The following AQP7 variants were observed in gnomAD, a reference collection of about 807,000 sequenced individuals.
AQP7 encodes the protein aquaporin-7.
Under a neutral mutation model 26.1 loss-of-function variants are expected in AQP7, and 22 were observed. The ratio of observed to expected loss-of-function variants is 0.84; its 90% CI spans 0.60 to 1.20. The LOEUF (loss-of-function observed/expected upper bound fraction) is 1.20. Ranked by LOEUF, AQP7 falls within the 50% of genes most tolerant of loss-of-function variation. The probability of loss-of-function intolerance (pLI) is 0.00; values close to 1 mark genes in which losing one functional copy is unlikely to be tolerated. For synonymous variants in AQP7, 167 were observed against 181.7 expected (o/e 0.92, Z 0.65); for missense variants, 412 against 457.5 (o/e 0.90, Z 0.91).
Position 33,386,419 on chromosome 9 carries a change from A to T in AQP7, c.391T>A (p.Tyr131Asn). 3 of 1,610,834 alleles carry T rather than the reference A, an allele frequency of 1.9e-6. No homozygotes were observed. The highest frequency in any genetic ancestry group is 2.5e-6 in the Non-Finnish European group (3 of 1,178,914). The change falls in exon 5 of 8, where the codon TAC becomes AAC. Residue 131 changes from tyrosine (Y) to asparagine (N), a missense_variant. Coordinates refer to ENST00000297988, the MANE Select transcript of AQP7 (RefSeq NM_001170.3). ...LGSFLAAATI[Y>N]SLFYTAILHF... ...GGATACTCACTGTAGAAGAGACTGT[A>T]GATGGTGGCAGCCGCCAGGAAGGAG... is the stretch of plus-strand genomic sequence containing the variant.
chr9:33,386,171 C>T lies in AQP7; in HGVS notation c.431G>A (p.Gly144Glu). The T allele has an allele frequency of 1.9e-6, 3 of 1,613,986 alleles. No homozygotes were observed. In the East Asian group the frequency reaches 6.7e-5, roughly 36 times the overall value. The part of the protein sequence containing the change: ...FYTAILHFSG[G>E]QLMVTGPVAT... ...GACGGGACCGGTCACCATCAGCTGT[C>T]CACCCGAAAAGTGGAGAATGGCCGC... Residue 144 changes from glycine to glutamate, a missense_variant, in exon 6 of 8, where the codon GGA (glycine) becomes GAA (glutamate). By Grantham distance (98) the Gly-to-Glu change is moderately conservative. Transcript: ENST00000297988.
chr9:33,397,892 C>T lies in AQP7; in HGVS notation c.27-2697G>A, dbSNP rs1296029138. ...CAAGACACAGTAAGCAACAGATAAC[C>T]ACCAACCAGCCAATGAACTCAAGAT... On this transcript the variant is annotated intron_variant, in intron 2 of 7. Transcript: ENST00000297988. Among the ~76,000 whole-genome samples, 3 of 152,320 alleles carry T rather than the reference C, an allele frequency of 2.0e-5. 1 individual carries two copies. The Middle Eastern group carries it at 0.01, about 522-fold the overall frequency.
At position 33,384,815 on chromosome 9, in the gene AQP7, C is replaced by A. The variant is rs560881412; in HGVS notation, c.*190G>T. Reference sequence around the variant, plus strand: ...TCTTCCCCATTCTCCCCCTGGGGCACCCCAGTTCCCAGGGCATGAAAGACT... The same window carrying A: ...TCTTCCCCATTCTCCCCCTGGGGCAACCCAGTTCCCAGGGCATGAAAGACT... On this transcript the variant is annotated 3_prime_UTR_variant, in exon 8 of 8. Transcript: ENST00000297988. 4.6e-6 allele frequency: 3 copies of A among 656,084 alleles called. No homozygotes were observed. The highest frequency in any genetic ancestry group is 3.6e-5 in the African/African-American group (2 of 55,390). The allele number at this position is 656,084 out of a possible 1,614,324, so 40.6% of individuals were successfully genotyped here.
At position 33,383,442 on chromosome 9, in the gene AQP7, C is replaced by T. The variant is rs979862008; in HGVS notation, c.*1563G>A. ...TACTCTCAGTGGGGACATCTCCAATCCCCAGGCCCAAGCTGGAAACCGGAA... is the reference window on the plus strand; with the variant it reads ...TACTCTCAGTGGGGACATCTCCAATTCCCAGGCCCAAGCTGGAAACCGGAA... On this transcript the variant is annotated 3_prime_UTR_variant, in exon 8 of 8. Coordinates refer to ENST00000297988, the MANE Select transcript of AQP7 (RefSeq NM_001170.3). 22 of 152,250 alleles carry T rather than the reference C, an allele frequency of 1.4e-4. No individual in the cohort carries two copies. The highest frequency in any genetic ancestry group is 4.6e-4 in the Admixed American group (7 of 15,282). The allele number at this position is 152,250 out of a possible 1,614,324, so 9.4% of individuals were successfully genotyped here.
chr9:33,399,751 G>T (rs902319780), intron 2 of AQP7, among the ~76,000 whole-genome samples: 6 of 152,162 alleles, frequency 3.9e-5, no homozygotes, highest in African/African-American at 9.7e-5. Context: ...GCCTGGGACT[G>T]GGGGAGCTCA....
In AQP7 at chr9:33,395,105, G is replaced by T. The variant is rs148012859; in HGVS notation, c.117C>A (p.Ala39=). 1.4e-5 allele frequency: 22 copies of T among 1,613,778 alleles called. No individual in the cohort carries two copies. The Middle Eastern group carries it at 5.0e-4, about 36-fold the overall frequency. The change falls in exon 3 of 8, where the codon GCC becomes GCA. Residue 39 remains alanine, a synonymous_variant. Coordinates refer to ENST00000297988, the MANE Select transcript of AQP7 (RefSeq NM_001170.3). ...LQRKMVREFL[A]EFMSTYVMMV... ...TCATGACATATGTGCTCATGAACTCGGCCAGGAACTCTCGCACCATCTTCC... is the reference window on the plus strand; with the variant it reads ...TCATGACATATGTGCTCATGAACTCTGCCAGGAACTCTCGCACCATCTTCC...
chr9:33,386,422 T>C lies in AQP7; in HGVS notation c.388A>G (p.Ile130Val). The C allele has an allele frequency of 6.2e-7, 1 of 1,610,880 alleles. No homozygotes were observed. Among genetic ancestry groups the C allele is most frequent in the Non-Finnish European group, 8.5e-7 (1 of 1,178,946 alleles). ...FLGSFLAAATIYSLFYTAILH... is the reference protein window; with the variant it reads ...FLGSFLAAATVYSLFYTAILH... The stretch of plus-strand genomic sequence containing the variant: ...TACTCACTGTAGAAGAGACTGTAGA[T>C]GGTGGCAGCCGCCAGGAAGGAGCCC... Residue 130 changes from isoleucine to valine, a missense_variant, in exon 5 of 8, where the codon ATC becomes GTC. Ile to Val is a conservative substitution (Grantham distance 29, BLOSUM62 3). Transcript: ENST00000297988.
chr9:33,399,837 A>G (rs879929251), intron 2 of AQP7, among the ~76,000 whole-genome samples: 17 of 151,584 alleles, frequency 1.1e-4, no homozygotes, highest in Non-Finnish European at 2.2e-4. Flanking sequence ...GCCATGGGGG[A>G]GTAGGGTGGT....
intron 3 of AQP7, among the ~76,000 whole-genome samples, chr9:33,391,035 T>G: frequency 6.6e-6 from 1 of 152,074 alleles, no homozygotes; most frequent in African/African-American, 2.4e-5. Context: ...CACTTGAACC[T>G]GGGAGGCAGA....
rs1824516035 is a variant in AQP7, at chr9:33,383,615, CCT to C, written c.*1388_*1389del. On this transcript the variant is annotated 3_prime_UTR_variant, in exon 8 of 8. Transcript: ENST00000297988. ...CATTGTTAGGTGCCCGGCTGCTGCT[CCT>C]GGGTCATCACTTTCGCAGGCCCATC... 6.6e-6 allele frequency: 1 copy of C among 150,836 alleles called. No homozygotes were observed. Among genetic ancestry groups the C allele is most frequent in the Non-Finnish European group, 1.5e-5 (1 of 68,328 alleles). The allele number at this position is 150,836 out of a possible 1,614,324, so 9.3% of individuals were successfully genotyped here. A position where few individuals can be genotyped will look rare whatever the true frequency, so the allele number is the denominator to read the frequency against.
At chr9:33,389,334 T>C (rs1489739982) in intron 3 of AQP7, among the ~76,000 whole-genome samples, 1 of 152,180 alleles carries the variant, frequency 6.6e-6, no homozygotes, top group Non-Finnish European at 1.5e-5. Flanking sequence ...CTGTCCCAGC[T>C]AATTTTTTCA....
intron 3 of AQP7, among the ~76,000 whole-genome samples, chr9:33,388,602 G>C (rs2118794290): frequency 6.6e-6 from 1 of 152,240 alleles, no homozygotes; most frequent in Non-Finnish European, 1.5e-5. Context: ...ATTGAGCACT[G>C]CCTACATGCC....
At position 33,386,141 on chromosome 9, in the gene AQP7, G is replaced by A. The variant is rs760732558; in HGVS notation, c.461C>T (p.Thr154Ile). Residue 154 changes from threonine (T) to isoleucine (I), a missense_variant, in exon 6 of 8, where the codon ACA (threonine) becomes ATA (isoleucine). Physicochemically the swap from Thr to Ile is moderately conservative, Grantham distance 89. Transcript: ENST00000297988. ...AAGGTAGGTGGCAAAAATGCCAGCT[G>A]TAGCGACGGGACCGGTCACCATCAG... is the stretch of plus-strand genomic sequence containing the variant. The part of the protein sequence containing the change: ...GQLMVTGPVA[T>I]AGIFATYLPD... 1.1e-5 allele frequency: 17 copies of A among 1,613,986 alleles called. No individual in the cohort carries two copies. Among genetic ancestry groups the A allele is most frequent in the Non-Finnish European group, 1.4e-5 (17 of 1,179,876 alleles).
At chr9:33,389,210 G>A (rs1430375183) in intron 3 of AQP7, among the ~76,000 whole-genome samples, 6 of 151,928 alleles carry the variant, frequency 3.9e-5, no homozygotes, top group Admixed American at 2.6e-4. Flanking sequence ...TGTATTTTTA[G>A]TAGAGACAGG....
chr9:33,389,459 G>A (rs1825179699), intron 3 of AQP7, among the ~76,000 whole-genome samples: 1 of 152,210 alleles, frequency 6.6e-6, no homozygotes, highest in African/African-American at 2.4e-5. Flanking sequence ...ACAGGTGTGA[G>A]CCACCATGCC....
At chr9:33,401,451 T>G (rs997741365) in intron 1 of AQP7, 164 bp from the exon 2 acceptor site, 12 of 633,662 alleles carry the variant, frequency 1.9e-5, no homozygotes, top group Non-Finnish European at 3.1e-5. Flanking sequence ...GCTCAGCCAA[T>G]GAGGCGACGC....
At chr9:33,397,307 G>A (rs1320363648) in intron 2 of AQP7, among the ~76,000 whole-genome samples, 2 of 151,828 alleles carry the variant, frequency 1.3e-5, no homozygotes, top group Non-Finnish European at 2.9e-5. Context: ...GGTGTTCTTG[G>A]CTCCCTGCTC....
Position 33,385,182 on chromosome 9 carries a change from G to A in AQP7, c.852C>T (p.Pro284=). 1 of 1,611,854 alleles carries A rather than the reference G, an allele frequency of 6.2e-7. No individual in the cohort carries two copies. Among genetic ancestry groups the A allele is most frequent in the South Asian group, 1.1e-5 (1 of 90,980 alleles). The change falls in exon 8 of 8, where the codon CCC becomes CCT. Residue 284 remains proline (P), a synonymous_variant. Coordinates refer to ENST00000297988, the MANE Select transcript of AQP7 (RefSeq NM_001170.3). The part of the protein sequence containing the change: ...VFIGSTIPRE[P]LKLEDSVAYE... ...ACGCCACAGAATCCTCCAATTTCAG[G>A]GGCTCCCGTGGGATGGTGGAGCCAA...
At chr9:33,389,944 C>T (rs1402263194) in intron 3 of AQP7, among the ~76,000 whole-genome samples, 2 of 150,064 alleles carry the variant, frequency 1.3e-5, no homozygotes, top group East Asian at 3.9e-4. Context: ...AGGAGAATTG[C>T]TTGAACCCAA....
Sources: gnomAD v4.1 joint callset for allele counts (sites outside exome capture counted in the v4.1 genomes callset) on GRCh38, gnomAD v4.1.1 for gene constraint, MANE v1.5 for transcripts, NCBI Gene and HGNC (gene_info 2026-07-23, HGNC 2026-07-21) for gene names.